The following MEMO1 variants were observed in gnomAD, a reference collection of about 807,000 sequenced individuals.
The protein encoded by MEMO1 is protein MEMO1.
Under a neutral mutation model 45.2 loss-of-function variants are expected in MEMO1, and 6 were observed. That is an observed-to-expected ratio of 0.13 (90% CI 0.07 to 0.26). The LOEUF (loss-of-function observed/expected upper bound fraction) is 0.26. MEMO1 is among the 10% of genes least tolerant of loss of function. The probability of loss-of-function intolerance (pLI) is 1.00; values close to 1 mark genes in which losing one functional copy is unlikely to be tolerated. For missense variants in MEMO1, 184 were observed against 370.5 expected, an observed-to-expected ratio of 0.50 and a Z score of 4.13; for synonymous variants, 78 against 124.3, an observed-to-expected ratio of 0.63 and a Z score of 2.48.
chr2:31,970,077 G>A (rs956670516), intron 2 of MEMO1, among the ~76,000 whole-genome samples: 14 of 152,024 alleles, frequency 9.2e-5, no homozygotes, highest in African/African-American at 2.7e-4. Flanking sequence ...GTTCAAGCAA[G>A]TCTCCTGTCT....
intron 7 of MEMO1, among the ~76,000 whole-genome samples, chr2:31,890,503 C>T (rs983957080): frequency 5.9e-5 from 9 of 152,110 alleles, no homozygotes; most frequent in Non-Finnish European, 1.3e-4. Context: ...GCCTTCAGAT[C>T]TAAGTAGTAT....
At chr2:31,918,811 T>C (rs1394780846) in intron 5 of MEMO1, among the ~76,000 whole-genome samples, 1 of 152,170 alleles carries the variant, frequency 6.6e-6, no homozygotes, top group African/African-American at 2.4e-5. Flanking sequence ...GATCCTTAAA[T>C]GGGTTTACCT....
chr2:31,891,635 A>G (rs375408315), intron 7 of MEMO1, among the ~76,000 whole-genome samples: 2 of 152,140 alleles, frequency 1.3e-5, no homozygotes, highest in Admixed American at 6.6e-5. Context: ...TCTATACTCT[A>G]AAGAACATTG....
intron 6 of MEMO1, among the ~76,000 whole-genome samples, chr2:31,911,418 C>A (rs1003173571): frequency 2.0e-5 from 3 of 152,088 alleles, no homozygotes; most frequent in Admixed American, 6.6e-5. Context: ...TTTTAGGGCA[C>A]TGAAACCATT....
At chr2:31,941,588 G>C (rs1252454935) in intron 3 of MEMO1, among the ~76,000 whole-genome samples, 1 of 152,206 alleles carries the variant, frequency 6.6e-6, no homozygotes, top group Non-Finnish European at 1.5e-5. Flanking sequence ...AAGAGCACTT[G>C]GCCTTTAGCC....
intron 6 of MEMO1, among the ~76,000 whole-genome samples, chr2:31,900,779 T>C (rs1249999807): frequency 6.6e-6 from 1 of 152,038 alleles, no homozygotes; most frequent in Non-Finnish European, 1.5e-5. Flanking sequence ...AGAATGGCTA[T>C]AATCAAAAAT....
chr2:31,868,353 T>A lies in MEMO1; in HGVS notation c.*8A>T. 1 of 1,536,112 alleles carries A rather than the reference T, an allele frequency of 6.5e-7. No homozygotes were observed. The highest frequency in any genetic ancestry group is 1.4e-5 in the African/African-American group (1 of 71,424). On this transcript the variant is annotated 3_prime_UTR_variant, in exon 10 of 10. Transcript: ENST00000404530. ...ATGTGCAGGTGGCATCCCTGAGGAT[T>A]CAGAGCTTCAGTGGACCGTGAGTGC...
chr2:31,999,564 G>A (rs1202173556), intron 2 of MEMO1, among the ~76,000 whole-genome samples: 1 of 152,132 alleles, frequency 6.6e-6, no homozygotes, highest in Non-Finnish European at 1.5e-5. Flanking sequence ...CAGCTACTCA[G>A]GAGATTGAGG....
At chr2:31,964,316 T>G (rs186148406) in intron 2 of MEMO1, among the ~76,000 whole-genome samples, 3 of 152,218 alleles carry the variant, frequency 2.0e-5, no homozygotes, top group Non-Finnish European at 4.4e-5. Flanking sequence ...GTGAAATGTG[T>G]AGATTAAAGA....
At chr2:31,897,462 G>T (rs1678029088) in intron 6 of MEMO1, among the ~76,000 whole-genome samples, 1 of 152,146 alleles carries the variant, frequency 6.6e-6, no homozygotes, top group Non-Finnish European at 1.5e-5. Flanking sequence ...TTTTCTGCAT[G>T]TATTGAGACA....
chr2:31,989,331 CAA>C (rs565592669), intron 2 of MEMO1, among the ~76,000 whole-genome samples: 2 of 151,994 alleles, frequency 1.3e-5, no homozygotes, highest in Non-Finnish European at 2.9e-5. Flanking sequence ...TCGAATTTTG[CAA>C]AACATAGTTT....
intron 2 of MEMO1, among the ~76,000 whole-genome samples, chr2:31,997,848 C>G (rs1327936936): frequency 6.6e-6 from 1 of 152,134 alleles, no homozygotes; most frequent in Admixed American, 6.6e-5. Context: ...ATTTCTTTGC[C>G]TCTGTGTAAA....
At chr2:31,906,027 G>A (rs67048620) in intron 6 of MEMO1, among the ~76,000 whole-genome samples, 18,606 of 151,280 alleles carry the variant, frequency 0.12, 1,240 homozygotes, top group Middle Eastern at 0.19. Context: ...GGGCTGGAGT[G>A]CAATGGCGCA....
intron 2 of MEMO1, among the ~76,000 whole-genome samples, chr2:31,993,187 A>T (rs1188287779): frequency 6.6e-6 from 1 of 152,184 alleles, no homozygotes; most frequent in African/African-American, 2.4e-5. Context: ...AAAAGAAAGA[A>T]AGATATGAAA....
intron 2 of MEMO1, among the ~76,000 whole-genome samples, chr2:31,945,466 T>A (rs1666082926): frequency 6.6e-6 from 1 of 152,206 alleles, no homozygotes; most frequent in Admixed American, 6.5e-5. Context: ...AACTTATCCA[T>A]CAGTATACAG....
At chr2:31,963,197 T>A in intron 2 of MEMO1, 1 of 1,547,456 alleles carries the variant, frequency 6.5e-7, no homozygotes. Context: ...GTCTCCAGCT[T>A]GCTGACTGCA....
At chr2:31,984,305 C>T (rs1671009319) in intron 2 of MEMO1, among the ~76,000 whole-genome samples, 1 of 152,148 alleles carries the variant, frequency 6.6e-6, no homozygotes, top group Admixed American at 6.5e-5. Flanking sequence ...TCCCCAAAAC[C>T]CGTAACTCCA....
chr2:31,885,533 C>A (rs903545975), intron 7 of MEMO1, among the ~76,000 whole-genome samples: 2 of 152,178 alleles, frequency 1.3e-5, no homozygotes, highest in Non-Finnish European at 2.9e-5. Flanking sequence ...ATTTTTACTT[C>A]TATTTCAAAG....
chr2:31,950,791 C>T (rs1424209322), intron 2 of MEMO1, among the ~76,000 whole-genome samples: 2 of 151,604 alleles, frequency 1.3e-5, no homozygotes, highest in Admixed American at 6.6e-5. Flanking sequence ...AATACTTATT[C>T]AGACAAATAT....
Sources: gnomAD v4.1 joint callset for allele counts (sites outside exome capture counted in the v4.1 genomes callset) on GRCh38, gnomAD v4.1.1 for gene constraint, MANE v1.5 for transcripts, NCBI Gene and HGNC (gene_info 2026-07-23, HGNC 2026-07-21) for gene names.